Variants in BEND2 observed in about 807,000 individuals in gnomAD.
BEND2 encodes BEN domain-containing protein 2.
BEND2 carries 19 observed loss-of-function variants against 43.8 expected under a neutral mutation model. That is an observed-to-expected ratio of 0.43 (90% CI 0.30 to 0.64). The LOEUF is 0.64. Among genes scored for constraint, BEND2 ranks in the 30% least tolerant of loss-of-function variants. The pLI is 0.11. For missense variants in BEND2, 544 were observed against 574.0 expected (o/e 0.95, Z 0.53); for synonymous variants, 226 against 210.1 (o/e 1.08, Z -0.66).
intron 8 of BEND2, among the ~76,000 whole-genome samples, chrX:18,187,946 A>G (rs1235632097): frequency 9.0e-6 from 1 of 111,593 alleles, no homozygotes; most frequent in East Asian, 2.8e-4. Flanking sequence ...GTCAATGAAG[A>G]AATTAAGAGG....
rs769862979 is a variant in BEND2 at position 18,216,668 on chromosome X, C to T, written c.91G>A (p.Val31Ile). Residue 31 changes from valine to isoleucine, a missense_variant, in exon 2 of 14, where the codon GTT becomes ATT. Val to Ile is a conservative substitution (Grantham distance 29). This residue lies in a region of BEND2 where 501 missense variants were observed against 501.6 expected (regional missense o/e 1.00). Coordinates refer to ENST00000380033, the MANE Select transcript of BEND2 (RefSeq NM_153346.5). ...NNDCSIEMVE[V>I]SETADNSTND... ...GTGGAATTATCTGCTGTTTCAGAAA[C>T]TTCCACCATCTCAATACTGCAATCA... 8.3e-7 allele frequency: 1 copy of T among 1,210,289 alleles called. No homozygotes were observed. The highest frequency in any genetic ancestry group is 1.1e-6 in the Non-Finnish European group (1 of 894,291).
At chrX:18,190,058 A>G (rs997616992) in intron 8 of BEND2, among the ~76,000 whole-genome samples, 3 of 110,242 alleles carry the variant, frequency 2.7e-5, no homozygotes, top group Non-Finnish European at 5.7e-5. Context: ...TCAAAAAAAA[A>G]AAAAAGCGAA....
At chrX:18,215,698 A>G (rs1254501852) in intron 2 of BEND2, among the ~76,000 whole-genome samples, 1 of 112,466 alleles carries the variant, frequency 8.9e-6, no homozygotes, top group Non-Finnish European at 1.9e-5. Flanking sequence ...AAAGCAGAGA[A>G]CTTATGGCCT....
chrX:18,173,550 G>A (rs1369197198), intron 12 of BEND2, among the ~76,000 whole-genome samples: 1 of 111,643 alleles, frequency 9.0e-6, no homozygotes, highest in East Asian at 2.8e-4. Context: ...AGCACAAGTG[G>A]CAGGTGGCAC....
chrX:18,193,081 C>G (rs755934175), intron 7 of BEND2, among the ~76,000 whole-genome samples: 38 of 112,153 alleles, frequency 3.4e-4, no homozygotes, highest in Non-Finnish European at 5.6e-4. Flanking sequence ...CTTTGGGAGG[C>G]CGAAGTGGGC....
chrX:18,184,477 G>A (rs886880074), intron 8 of BEND2, among the ~76,000 whole-genome samples: 15 of 111,592 alleles, frequency 1.3e-4, no homozygotes, highest in Non-Finnish European at 2.4e-4. Flanking sequence ...ATGAGACTCC[G>A]TCTCAAAAAA....
Position 18,195,450 on chromosome X carries a change from GA to G in BEND2, c.1034-9del, listed in dbSNP as rs200439415. The G allele has an allele frequency of 1.8e-4, 208 of 1,155,613 alleles. No homozygotes were observed. The highest frequency in any genetic ancestry group is 1.2e-3 in the Middle Eastern group (5 of 4,117). ...TAAGTATAATTTTCTCAGCTATTGG[GA>G]AAAAAAAAGAATGCTCAATCATAAA... On this transcript the variant is annotated splice_polypyrimidine_tract_variant and intron_variant, in intron 6 of 13. Transcript: ENST00000380033.
chrX:18,219,262 A>G (rs1372231681), intron 1 of BEND2, among the ~76,000 whole-genome samples: 1 of 112,344 alleles, frequency 8.9e-6, no homozygotes, highest in Non-Finnish European at 1.9e-5. Flanking sequence ...AGTCAACCTG[A>G]AGCCAGTTTG....
chrX:18,205,233 C>T (rs767161636), intron 4 of BEND2, among the ~76,000 whole-genome samples: 1 of 110,786 alleles, frequency 9.0e-6, no homozygotes, highest in Non-Finnish European at 1.9e-5. Flanking sequence ...TTCCACCTGG[C>T]AGAACTACTT....
In BEND2 at chrX:18,171,122, C is replaced by T. The variant is rs1286967760; in HGVS notation, c.2064G>A (p.Leu688=). Reference sequence around the variant, plus strand: ...GTTTCTGAATAAGGTATCTAGCCGACAGGCTTGCGCAAGACTTAGTTTTTG... The same window carrying T: ...GTTTCTGAATAAGGTATCTAGCCGATAGGCTTGCGCAAGACTTAGTTTTTG... ...TLAKTKSCAS[L]SARYLIQKLF... Residue 688 remains leucine, a synonymous_variant, in exon 13 of 14, where the codon CTG becomes CTA. Coordinates refer to ENST00000380033, the MANE Select transcript of BEND2 (RefSeq NM_153346.5). The T allele has an allele frequency of 8.3e-7, 1 of 1,209,263 alleles. No individual in the cohort carries two copies. The highest frequency in any genetic ancestry group is 1.1e-6 in the Non-Finnish European group (1 of 892,907).
chrX:18,204,654 T>C (rs997273167), intron 4 of BEND2, among the ~76,000 whole-genome samples: 5 of 111,806 alleles, frequency 4.5e-5, no homozygotes, highest in African/African-American at 6.5e-5. Context: ...CTTGCTCCTA[T>C]TCGAGGCCTG....
chrX:18,190,953 A>G (rs1473897532), intron 8 of BEND2, 48 bp downstream of exon 8: 19 of 1,053,859 alleles, frequency 1.8e-5, no homozygotes, highest in Non-Finnish European at 2.5e-5. Context: ...TATTCTTTCA[A>G]TCTAGATTAA....
chrX:18,173,870 A>G (rs1320372821), intron 12 of BEND2, among the ~76,000 whole-genome samples, 160 bp downstream of exon 12: 4 of 112,236 alleles, frequency 3.6e-5, no homozygotes, highest in African/African-American at 1.3e-4. Flanking sequence ...TCATTAACTC[A>G]TTAATAAAAG....
chrX:18,180,381 T>C, intron 9 of BEND2, 129 bp downstream of exon 9: 5 of 981,648 alleles, frequency 5.1e-6, no homozygotes, highest in Non-Finnish European at 6.9e-6. Flanking sequence ...ATGTTAGTCA[T>C]GGTTCTGAAT....
rs1215862168 is a variant in BEND2 at position 18,165,001 on chromosome X, G to C, written c.*8C>G. On this transcript the variant is annotated 3_prime_UTR_variant, in exon 14 of 14. Coordinates refer to ENST00000380033, the MANE Select transcript of BEND2 (RefSeq NM_153346.5). ...TTAAAAAAAAAAAAAAAGTTTGGCA[G>C]CTGCCGTTCAGGTGCTTGGGTCAGT... is the stretch of plus-strand genomic sequence containing the variant. 1 of 1,178,196 alleles carries C rather than the reference G, an allele frequency of 8.5e-7. No individual in the cohort carries two copies. Among genetic ancestry groups the C allele is most frequent in the African/African-American group, 1.8e-5 (1 of 55,326 alleles).
At chrX:18,186,457 G>A (rs1432899849) in intron 8 of BEND2, among the ~76,000 whole-genome samples, 89 of 86,686 alleles carry the variant, frequency 1.0e-3, no homozygotes, top group Admixed American at 2.9e-3. Flanking sequence ...AAACTCCGTC[G>A]GAAAAAAAAA....
intron 1 of BEND2, among the ~76,000 whole-genome samples, chrX:18,219,453 G>A (rs1195998017): frequency 8.9e-6 from 1 of 112,772 alleles, no homozygotes; most frequent in Non-Finnish European, 1.9e-5. Flanking sequence ...AACACCCTAC[G>A]TGTTTCTCTT....
chrX:18,204,609 A>G (rs1218065080), intron 4 of BEND2, among the ~76,000 whole-genome samples: 7 of 112,116 alleles, frequency 6.2e-5, no homozygotes, highest in African/African-American at 2.3e-4. Flanking sequence ...GTTAACTGCT[A>G]GACACAACAA....
chrX:18,183,818 T>C (rs1290488033), intron 8 of BEND2, among the ~76,000 whole-genome samples: 1 of 111,790 alleles, frequency 8.9e-6, no homozygotes, highest in Non-Finnish European at 1.9e-5. Context: ...GGACTTTGTC[T>C]TGTGGCTTGG....
Sources: allele counts gnomAD v4.1 joint callset (sites outside exome capture counted in the v4.1 genomes callset), GRCh38; gene constraint gnomAD v4.1.1; regional missense constraint gnomAD v4.1.1; transcripts MANE v1.5; gene names NCBI Gene and HGNC (gene_info 2026-07-23, HGNC 2026-07-21).